The following GPHN variants were observed in gnomAD, a reference collection of about 807,000 sequenced individuals.
GPHN encodes the protein gephyrin.
GPHN carries 17 observed loss-of-function variants against 95.5 expected under a neutral mutation model. The observed-to-expected ratio is 0.18, with a 90% CI of 0.12 to 0.27. The LOEUF is 0.27. GPHN is among the 10% of genes least tolerant of loss of function. The pLI, the probability that GPHN is intolerant of heterozygous loss-of-function variation, is 1.00. For synonymous variants in GPHN, 320 were observed against 322.5 expected (o/e 0.99, Z 0.08); for missense variants, 660 against 978.1 (o/e 0.67, Z 4.34).
chr14:67,312,635 CAAG>C, the GPHN span: 17 of 1,613,352 alleles, frequency 1.1e-5, no homozygotes, highest in Admixed American at 1.7e-5. Flanking sequence ...TGTGATCAGT[CAAG>C]AAGATCCAAA....
At chr14:66,667,521 TGAA>T (rs888866082) in intron 1 of GPHN, among the ~76,000 whole-genome samples, 92 of 152,242 alleles carry the variant, frequency 6.0e-4, no homozygotes, top group African/African-American at 2.1e-3. Flanking sequence ...TATCTGATCT[TGAA>T]GAAACCTGAC....
chr14:67,126,726 C>T (rs1056841672), intron 17 of GPHN, among the ~76,000 whole-genome samples: 1 of 152,008 alleles, frequency 6.6e-6, no homozygotes, highest in Admixed American at 6.6e-5. Flanking sequence ...TACCATTTGA[C>T]CCAGCCATCC....
the GPHN span, among the ~76,000 whole-genome samples, chr14:67,688,128 G>C: frequency 6.6e-6 from 1 of 151,922 alleles, no homozygotes; most frequent in Non-Finnish European, 1.5e-5. Flanking sequence ...ATCATCCTTC[G>C]GGGCTCAGCA....
chr14:67,563,915 T>G, the GPHN span, among the ~76,000 whole-genome samples: 1 of 151,026 alleles, frequency 6.6e-6, no homozygotes, highest in Non-Finnish European at 1.5e-5. Flanking sequence ...TTTTTTTTTT[T>G]TTCTGAGACA....
At chr14:67,697,446 C>T in the GPHN span, among the ~76,000 whole-genome samples, 266 of 152,262 alleles carry the variant, frequency 1.7e-3, 1 homozygote, top group Non-Finnish European at 2.9e-3. Context: ...AACAGAAAAC[C>T]GTCTAGGGAG....
At chr14:67,586,629 A>C in the GPHN span, 3,691 of 435,672 alleles carry the variant, frequency 8.5e-3, 119 homozygotes, top group African/African-American at 0.069. Context: ...AATAATAATT[A>C]CAAAGGCTAA....
At chr14:66,834,270 A>G (rs1431609168) in intron 4 of GPHN, among the ~76,000 whole-genome samples, 1 of 152,132 alleles carries the variant, frequency 6.6e-6, no homozygotes, top group African/African-American at 2.4e-5. Flanking sequence ...GACTTACCCA[A>G]AACATACATC....
chr14:67,541,800 T>A, the GPHN span: 1 of 1,422,390 alleles, frequency 7.0e-7, no homozygotes, highest in Non-Finnish European at 9.4e-7. Context: ...ACACGCTTAT[T>A]TATCTTTTCC....
At chr14:67,448,120 C>CTTTTTTTTTTTTTTTTTTTTTTT in the GPHN span, among the ~76,000 whole-genome samples, 1 of 36,050 alleles carries the variant, frequency 2.8e-5, no homozygotes, top group African/African-American at 9.9e-5. Flanking sequence ...ATAGCCCATT[C>CTTTTTTTTTTTTTTTTTTTTTTT]TTTTTTTTTT....
chr14:66,612,716 T>C (rs2062835563), intron 1 of GPHN, among the ~76,000 whole-genome samples: 1 of 152,092 alleles, frequency 6.6e-6, no homozygotes, highest in African/African-American at 2.4e-5. Flanking sequence ...TATTGCCTCT[T>C]TCCAGTCAGT....
the GPHN span, among the ~76,000 whole-genome samples, chr14:67,205,617 CAG>C: frequency 5.3e-5 from 8 of 152,108 alleles, no homozygotes; most frequent in African/African-American, 1.4e-4. Context: ...AGTGGAAAAA[CAG>C]AGAGTCACGT....
At chr14:67,356,534 T>C in the GPHN span, among the ~76,000 whole-genome samples, 2 of 152,118 alleles carry the variant, frequency 1.3e-5, no homozygotes, top group South Asian at 4.2e-4. Flanking sequence ...GACAATTCTA[T>C]AGCTGAAAGG....
the GPHN span, chr14:67,616,543 TTA>T: frequency 6.5e-6 from 1 of 152,674 alleles, no homozygotes; most frequent in African/African-American, 2.4e-5. Context: ...CATACAATTA[TTA>T]TTATTATTGT....
the GPHN span, among the ~76,000 whole-genome samples, chr14:67,482,517 C>T: frequency 9.8e-5 from 15 of 152,294 alleles, no homozygotes; most frequent in African/African-American, 3.6e-4. Flanking sequence ...AGCTTCACTC[C>T]CCATCCCCAG....
chr14:67,513,170 G>A, the GPHN span, among the ~76,000 whole-genome samples: 1 of 152,118 alleles, frequency 6.6e-6, no homozygotes, highest in African/African-American at 2.4e-5. Context: ...ACATGCCACG[G>A]AAAAGCCCAT....
At chr14:66,548,790 G>A (rs180777365) in intron 1 of GPHN, among the ~76,000 whole-genome samples, 3 of 152,276 alleles carry the variant, frequency 2.0e-5, no homozygotes, top group Non-Finnish European at 2.9e-5. Context: ...AACTGAGACA[G>A]GTGGAAAGGT....
rs891367881 is a variant in GPHN, at chr14:66,508,261, C to T, written c.-267C>T. The T allele has an allele frequency of 8.8e-6, 5 of 566,924 alleles. No homozygotes were observed. Among genetic ancestry groups the T allele is most frequent in the Non-Finnish European group, 1.6e-5 (5 of 316,580 alleles). 35.1% of individuals were successfully genotyped at this position (566,924 alleles called of 1,614,324 possible). A position where few individuals can be genotyped will look rare whatever the true frequency, so the allele number is the denominator to read the frequency against. Reference sequence around the variant, plus strand: ...GCGCGCTCTCCCCGTGCGGCCACCGCGCCCCCCAAGCTTGCCTCCTTCTTG... The same window carrying T: ...GCGCGCTCTCCCCGTGCGGCCACCGTGCCCCCCAAGCTTGCCTCCTTCTTG... On this transcript the variant is annotated 5_prime_UTR_variant, in exon 1 of 23. Coordinates refer to ENST00000478722, the MANE Select transcript of GPHN (RefSeq NM_020806.5).
At chr14:67,436,054 G>A in the GPHN span, among the ~76,000 whole-genome samples, 1 of 152,232 alleles carries the variant, frequency 6.6e-6, no homozygotes, top group Non-Finnish European at 1.5e-5. Context: ...TTCCCTTAGG[G>A]CTGATTCCCG....
Position 66,508,477 on chromosome 14 carries a change from G to A in GPHN, c.-51G>A. ...AGCGCGCTCCCGGCCCGCGCGCTCC[G>A]GGCTCCGGTTTCTCCCGGCTCCTGT... On this transcript the variant is annotated 5_prime_UTR_variant, in exon 1 of 23. Coordinates refer to ENST00000478722, the MANE Select transcript of GPHN (RefSeq NM_020806.5). 1 of 1,576,090 alleles carries A rather than the reference G, an allele frequency of 6.3e-7. No homozygotes were observed. The highest frequency in any genetic ancestry group is 8.7e-7 in the Non-Finnish European group (1 of 1,145,616).
Sources: allele counts gnomAD v4.1 joint callset (sites outside exome capture counted in the v4.1 genomes callset), GRCh38; gene constraint gnomAD v4.1.1; transcripts MANE v1.5; gene names NCBI Gene and HGNC (gene_info 2026-07-23, HGNC 2026-07-21).